The following ORC5 variants were observed in gnomAD, a reference collection of about 807,000 sequenced individuals.
The protein encoded by ORC5 is protein phosphatase 1, regulatory subunit 117.
Under a neutral mutation model 58.8 loss-of-function variants are expected in ORC5, and 39 were observed. That is an observed-to-expected ratio of 0.66 (90% CI 0.51 to 0.87). The LOEUF (loss-of-function observed/expected upper bound fraction) is 0.87. Ranked by LOEUF, ORC5 falls within the 40% of genes least tolerant of loss-of-function variation. ORC5 has a pLI of 0.00. For missense variants in ORC5, 493 were observed against 506.3 expected (o/e 0.97, Z 0.25); for synonymous variants, 218 against 177.6 (o/e 1.23, Z -1.81).
At chr7:104,205,084 C>CTTTTTTTTTTTTTTTTTT (rs769195880) in intron 1 of ORC5, among the ~76,000 whole-genome samples, 2 of 102,358 alleles carry the variant, frequency 2.0e-5, no homozygotes, top group African/African-American at 6.8e-5. Context: ...TTTAATAATA[C>CTTTTTTTTTTTTTTTTTT]TCTTTTTTTT....
intron 10 of ORC5, 28 bp from the exon 11 acceptor site, chr7:104,165,310 T>C (rs750608120): frequency 7.4e-6 from 10 of 1,353,112 alleles, no homozygotes; most frequent in Non-Finnish European, 2.1e-6. Flanking sequence ...AAATTTTAAG[T>C]TGAAAAGACA....
In ORC5 at chr7:104,154,336, G is replaced by A. The variant is rs185433160; in HGVS notation, c.1149+6736C>T. ...AATATTCAACAAACAGGTTTGTTAT[G>A]ACTCAGTAGAAAACACTTAAATATC... On this transcript the variant is annotated intron_variant, in intron 12 of 13. Transcript: ENST00000297431. Among the ~76,000 whole-genome samples, 580 of 152,094 alleles carry A rather than the reference G, an allele frequency of 3.8e-3. 4 individuals carry two copies. Among genetic ancestry groups the A allele is most frequent in the African/African-American group, 0.014 (562 of 41,518 alleles).
rs1246975227 is a variant in ORC5, at chr7:104,154,213, C to T, written c.1149+6859G>A. Among the ~76,000 whole-genome samples the T allele has an allele frequency of 2.0e-5, 3 of 152,022 alleles. No individual in the cohort carries two copies. The East Asian group carries it at 5.8e-4, about 29-fold the overall frequency. ...AGTTCCAAGTCTTGAGATTGTCTGA[C>T]ACCAATGTCATAACTAAATTTAATT... On this transcript the variant is annotated intron_variant, in intron 12 of 13. Transcript: ENST00000297431.
intron 13 of ORC5, among the ~76,000 whole-genome samples, chr7:104,132,304 G>A (rs1798525607): frequency 6.6e-6 from 1 of 152,058 alleles, no homozygotes; most frequent in African/African-American, 2.4e-5. Flanking sequence ...CTTACATCAT[G>A]AGTTATTTTC....
rs545757926 is a variant in ORC5, at chr7:104,138,493, C to T, written c.1150-1600G>A. Among the ~76,000 whole-genome samples the T allele has an allele frequency of 2.0e-5, 3 of 151,724 alleles. No homozygotes were observed. The highest frequency in any genetic ancestry group is 2.1e-4 in the South Asian group (1 of 4,810). On this transcript the variant is annotated intron_variant, in intron 12 of 13. Coordinates refer to ENST00000297431, the MANE Select transcript of ORC5 (RefSeq NM_002553.4). This position sits in a 1 kb window ranked among gnomAD's most constrained non-coding sequence, Gnocchi z 4.7. The stretch of plus-strand genomic sequence containing the variant: ...ACCTGGGCTTAGTCTTGGTTTAAAA[C>T]TTTCTTTCCTTCTTTTCTTTCTTTT...
Position 104,207,847 on chromosome 7 carries a change from A to G in ORC5, c.58T>C (p.Ser20Pro). Residue 20 changes from serine to proline, a missense_variant, in exon 1 of 14, where the codon TCC becomes CCC. Ser to Pro is a moderately conservative substitution (Grantham distance 74). Coordinates refer to ENST00000297431, the MANE Select transcript of ORC5 (RefSeq NM_002553.4). ...CRESQVSILQ[S>P]LFGERHHFSF... ...AACTACAATACCTCTCCAAACAAGG[A>G]CTGCAAGATGGACACTTGAGACTCG... 1.2e-6 allele frequency: 2 copies of G among 1,614,124 alleles called. No individual in the cohort carries two copies. The highest frequency in any genetic ancestry group is 1.7e-6 in the Non-Finnish European group (2 of 1,179,966).
intron 12 of ORC5, among the ~76,000 whole-genome samples, chr7:104,137,102 GT>G (rs555220622): frequency 2.5e-4 from 35 of 137,616 alleles, no homozygotes; most frequent in Middle Eastern, 7.2e-3. Flanking sequence ...TCCTAGTTTT[GT>G]TTTTTTTTTT....
chr7:104,205,917 C>T (rs1584531425), intron 1 of ORC5, among the ~76,000 whole-genome samples: 1 of 152,016 alleles, frequency 6.6e-6, no homozygotes, highest in Admixed American at 6.5e-5. Context: ...CTGAGGTGGG[C>T]GGACTGCTTG....
intron 12 of ORC5, among the ~76,000 whole-genome samples, chr7:104,145,513 A>G (rs930161682): frequency 2.0e-5 from 3 of 152,212 alleles, no homozygotes; most frequent in Non-Finnish European, 4.4e-5. Context: ...TTCTCATTCA[A>G]TTGAGCTTTG....
chr7:104,187,719 TA>T (rs145586918), intron 6 of ORC5: 49,220 of 717,372 alleles, frequency 0.069, 361 homozygotes, highest in Non-Finnish European at 0.076. Flanking sequence ...TTCTAATTGT[TA>T]AAAAAAAAAA....
At chr7:104,197,173 A>G (rs1799819772) in intron 4 of ORC5, among the ~76,000 whole-genome samples, 1 of 152,232 alleles carries the variant, frequency 6.6e-6, no homozygotes, top group Admixed American at 6.5e-5. Context: ...CAATGTTATA[A>G]TGAAATGATG....
intron 5 of ORC5, among the ~76,000 whole-genome samples, chr7:104,192,671 C>T (rs1160642545): frequency 6.6e-6 from 1 of 151,668 alleles, no homozygotes; most frequent in Non-Finnish European, 1.5e-5. Flanking sequence ...ATAATGGATA[C>T]CCAAGATGGA....
intron 12 of ORC5, among the ~76,000 whole-genome samples, chr7:104,148,059 G>A (rs1051079499): frequency 6.6e-6 from 1 of 152,154 alleles, no homozygotes; most frequent in African/African-American, 2.4e-5. Context: ...AATGACCATG[G>A]TAATTAGTGG....
intron 8 of ORC5, among the ~76,000 whole-genome samples, chr7:104,173,056 T>G (rs1205940282): frequency 1.3e-5 from 2 of 149,310 alleles, no homozygotes; most frequent in Non-Finnish European, 3.0e-5. Context: ...CCCCAACAAG[T>G]AGAGCCAGGG....
intron 8 of ORC5, among the ~76,000 whole-genome samples, chr7:104,171,999 A>C (rs1221256118): frequency 1.3e-5 from 2 of 151,342 alleles, no homozygotes; most frequent in African/African-American, 4.9e-5. Flanking sequence ...GTATTTCACC[A>C]CTACTAGTCA....
At chr7:104,151,696 T>C (rs1196914520) in intron 12 of ORC5, among the ~76,000 whole-genome samples, 1 of 152,126 alleles carries the variant, frequency 6.6e-6, no homozygotes, top group Non-Finnish European at 1.5e-5. Flanking sequence ...CCAGGTACAG[T>C]TCAGGTTCAG....
intron 12 of ORC5, among the ~76,000 whole-genome samples, chr7:104,157,169 T>A (rs1399603593): frequency 6.6e-6 from 1 of 151,966 alleles, no homozygotes; most frequent in Non-Finnish European, 1.5e-5. Context: ...ATATAAGGCA[T>A]GTGGGAGAAA....
intron 6 of ORC5, among the ~76,000 whole-genome samples, chr7:104,186,719 A>G (rs1422737953): frequency 6.6e-6 from 1 of 152,014 alleles, no homozygotes; most frequent in Non-Finnish European, 1.5e-5. Context: ...CTATCTGAAG[A>G]AAAAAAAGAA....
intron 2 of ORC5, among the ~76,000 whole-genome samples, chr7:104,203,333 G>A (rs1279514971): frequency 6.6e-6 from 1 of 152,146 alleles, no homozygotes; most frequent in Non-Finnish European, 1.5e-5. Context: ...AATGCCCATG[G>A]CTGCTTTCAC....
Sources: gnomAD v4.1 joint callset for allele counts (sites outside exome capture counted in the v4.1 genomes callset) on GRCh38, gnomAD v4.1.1 for gene constraint, Gnocchi (gnomAD v3.1) non-coding constraint, MANE v1.5 for transcripts, NCBI Gene and HGNC (gene_info 2026-07-23, HGNC 2026-07-21) for gene names.